SH3GL2: variants seen among roughly 807,000 people sequenced by gnomAD.
SH3GL2 encodes the protein SH3 domain containing GRB2 like 2, endophilin A1.
Under a neutral mutation model 46.0 loss-of-function variants are expected in SH3GL2, and 24 were observed. The observed-to-expected ratio is 0.52, with a 90% confidence interval of 0.38 to 0.73. The LOEUF (loss-of-function observed/expected upper bound fraction) is 0.73. Among genes scored for constraint, SH3GL2 ranks in the 30% least tolerant of loss-of-function variants. SH3GL2 has a pLI of 0.00. For missense variants in SH3GL2, 413 were observed against 424.2 expected (o/e 0.97, Z 0.23); for synonymous variants, 196 against 147.1 (o/e 1.33, Z -2.40).
intron 1 of SH3GL2, among the ~76,000 whole-genome samples, chr9:17,669,895 A>G (rs1370642464): frequency 6.6e-6 from 1 of 152,134 alleles, no homozygotes; most frequent in Non-Finnish European, 1.5e-5. Context: ...ATTTAATAGG[A>G]GAAAGAAAAA....
At chr9:17,730,603 A>C (rs1031208865) in intron 1 of SH3GL2, among the ~76,000 whole-genome samples, 31 of 152,088 alleles carry the variant, frequency 2.0e-4, no homozygotes, top group African/African-American at 7.5e-4. Context: ...GGTTTGTCAT[A>C]AATAGCTCTT....
intron 1 of SH3GL2, among the ~76,000 whole-genome samples, chr9:17,608,364 T>C (rs906220671): frequency 4.6e-5 from 7 of 152,072 alleles, no homozygotes; most frequent in Non-Finnish European, 8.8e-5. Flanking sequence ...GCCGGGATGG[T>C]CTCGATCTCC....
intron 1 of SH3GL2, among the ~76,000 whole-genome samples, chr9:17,625,966 G>A (rs572469339): frequency 1.1e-4 from 16 of 152,210 alleles, no homozygotes; most frequent in Non-Finnish European, 1.3e-4. Context: ...GACTGTGGTT[G>A]ATGAAGCAGA....
At chr9:17,693,951 A>G (rs531464027) in intron 1 of SH3GL2, among the ~76,000 whole-genome samples, 7 of 152,316 alleles carry the variant, frequency 4.6e-5, no homozygotes, top group Admixed American at 1.3e-4. Context: ...AAGCTTATTA[A>G]TGATCTGAAT....
intron 1 of SH3GL2, among the ~76,000 whole-genome samples, chr9:17,725,819 C>T (rs960418669): frequency 6.6e-6 from 1 of 152,170 alleles, no homozygotes; most frequent in Non-Finnish European, 1.5e-5. Context: ...CAACACATGG[C>T]TGGGGGTTGA....
At chr9:17,760,265 C>G (rs1823131259) in intron 2 of SH3GL2, among the ~76,000 whole-genome samples, 1 of 152,240 alleles carries the variant, frequency 6.6e-6, no homozygotes, top group East Asian at 1.9e-4. Flanking sequence ...TTGTTTTCCT[C>G]TGTTGATCCT....
intron 8 of SH3GL2, 95 bp downstream of exon 8, chr9:17,793,592 A>G (rs1824195213): frequency 2.5e-6 from 3 of 1,197,668 alleles, no homozygotes; most frequent in Non-Finnish European, 3.6e-6. Flanking sequence ...CTGGCTGCAT[A>G]GGAAATATGC....
chr9:17,728,361 G>T (rs1822077971), intron 1 of SH3GL2, among the ~76,000 whole-genome samples: 1 of 152,070 alleles, frequency 6.6e-6, no homozygotes. Context: ...CCATTATTTT[G>T]TGCTTCATAA....
intron 1 of SH3GL2, among the ~76,000 whole-genome samples, chr9:17,640,616 C>G (rs1247161035): frequency 6.6e-6 from 1 of 152,114 alleles, no homozygotes; most frequent in African/African-American, 2.4e-5. Flanking sequence ...CTGAGACCAC[C>G]TATGTCAGAT....
chr9:17,793,585 G>A, intron 8 of SH3GL2, 88 bp downstream of exon 8: 15 of 1,288,264 alleles, frequency 1.2e-5, no homozygotes, highest in Middle Eastern at 1.9e-4. Flanking sequence ...GTCCAATCTG[G>A]CTGCATAGGA....
At chr9:17,638,182 A>T (rs114612799) in intron 1 of SH3GL2, among the ~76,000 whole-genome samples, 2,053 of 152,050 alleles carry the variant, frequency 0.014, 64 homozygotes, top group African/African-American at 0.047. Flanking sequence ...AAACAAAAAA[A>T]CCACTGATTT....
At chr9:17,644,314 G>GT (rs1310031229) in intron 1 of SH3GL2, among the ~76,000 whole-genome samples, 1 of 151,578 alleles carries the variant, frequency 6.6e-6, no homozygotes, top group Non-Finnish European at 1.5e-5. Context: ...TTTTCGAAGG[G>GT]TTTTTTATCT....
chr9:17,691,479 T>C (rs1013891899), intron 1 of SH3GL2, among the ~76,000 whole-genome samples: 2 of 152,136 alleles, frequency 1.3e-5, no homozygotes, highest in African/African-American at 4.8e-5. Flanking sequence ...TTGGGCGGCC[T>C]ACAAACAAAT....
In SH3GL2 at chr9:17,601,922, C is replaced by G. The variant is rs539150347; in HGVS notation, c.45+22635C>G. On this transcript the variant is annotated intron_variant, in intron 1 of 8. Transcript: ENST00000380607. ...TCTGGTAGTATGAAAGAGAAATGGT[C>G]AAGCTTGGGAGTCATGGATTGTACT... 7.8e-4 allele frequency among the ~76,000 whole-genome samples: 119 copies of G among 152,146 alleles called. 1 individual carries two copies. Among genetic ancestry groups the G allele is most frequent in the Non-Finnish European group, 1.4e-3 (94 of 68,000 alleles).
intron 1 of SH3GL2, among the ~76,000 whole-genome samples, chr9:17,624,452 C>G (rs1329314051): frequency 6.6e-6 from 1 of 152,182 alleles, no homozygotes; most frequent in Non-Finnish European, 1.5e-5. Flanking sequence ...ACATGATTTT[C>G]CATCTCCATG....
intron 1 of SH3GL2, among the ~76,000 whole-genome samples, chr9:17,609,125 G>A (rs1818814434): frequency 6.6e-6 from 1 of 152,108 alleles, no homozygotes; most frequent in Middle Eastern, 3.2e-3. Context: ...GCATTATTGA[G>A]CACTTAATAA....
intron 1 of SH3GL2, among the ~76,000 whole-genome samples, chr9:17,581,042 T>C (rs1469099260): frequency 6.6e-6 from 1 of 152,160 alleles, no homozygotes; most frequent in Admixed American, 6.5e-5. Context: ...CTCTTCAGGG[T>C]TGAGGTGAAG....
intron 1 of SH3GL2, among the ~76,000 whole-genome samples, chr9:17,580,130 G>A (rs1818250078): frequency 6.6e-6 from 1 of 152,196 alleles, no homozygotes; most frequent in Admixed American, 6.5e-5. Context: ...ATAGGGGCAA[G>A]TAAGCGAATA....
chr9:17,604,793 C>G (rs1419148410), intron 1 of SH3GL2, among the ~76,000 whole-genome samples: 1 of 152,132 alleles, frequency 6.6e-6, no homozygotes, highest in Non-Finnish European at 1.5e-5. Context: ...AACAGGCATG[C>G]TCAGCTCTGA....
Sources: gnomAD v4.1 joint callset for allele counts (sites outside exome capture counted in the v4.1 genomes callset) on GRCh38, gnomAD v4.1.1 for gene constraint, MANE v1.5 for transcripts, NCBI Gene and HGNC (gene_info 2026-07-23, HGNC 2026-07-21) for gene names.